The following TYSND1 variants were observed in gnomAD, a reference collection of about 807,000 sequenced individuals.
TYSND1 encodes the protein trypsin like peroxisomal matrix peptidase 1.
A neutral mutation model predicts 37.2 loss-of-function variants in TYSND1; 30 were observed. The ratio of observed to expected loss-of-function variants is 0.81; its 90% CI spans 0.60 to 1.09. TYSND1 has a LOEUF of 1.09. Ranked by LOEUF, TYSND1 falls within the 50% of genes least tolerant of loss-of-function variation. The probability of loss-of-function intolerance (pLI) is 0.00; values close to 1 mark genes in which losing one functional copy is unlikely to be tolerated. For synonymous variants in TYSND1, 364 were observed against 383.8 expected, an observed-to-expected ratio of 0.95 and a Z score of 0.60; for missense variants, 806 against 817.4, an observed-to-expected ratio of 0.99 and a Z score of 0.17.
intron 3 of TYSND1, among the ~76,000 whole-genome samples, chr10:70,141,422 G>A (rs965997571): frequency 4.6e-5 from 7 of 152,030 alleles, no homozygotes; most frequent in African/African-American, 1.2e-4. Flanking sequence ...ACCATGTCTG[G>A]CTCAGGTCAG....
Position 70,145,447 on chromosome 10 carries a change from C to G in TYSND1, c.1140G>C (p.Arg380Ser), listed in dbSNP as rs1355709420. The G allele has an allele frequency of 5.4e-6, 8 of 1,467,962 alleles. No homozygotes were observed. Among genetic ancestry groups the G allele is most frequent in the Non-Finnish European group, 7.2e-6 (8 of 1,111,256 alleles). 90.9% of individuals were successfully genotyped at this position (1,467,962 alleles called of 1,614,324 possible). A position where few individuals can be genotyped will look rare whatever the true frequency, so the allele number is the denominator to read the frequency against. Residue 380 changes from arginine to serine, a missense_variant, in exon 1 of 4, where the codon AGG becomes AGC. By Grantham distance (110) the Arg-to-Ser change is moderately radical. Around this residue, in one of 3 missense-constraint regions of TYSND1, gnomAD observed 708 missense variants for 705.4 expected, o/e 1.00. Coordinates refer to ENST00000287078, the MANE Select transcript of TYSND1 (RefSeq NM_173555.4). ...CRHVSPREAA[R>S]VLVRSTTPKS... ...TGGGGGTGGTGGAGCGCACCAGGAC[C>G]CTGGCTGCTTCCCGAGGGGACACGT... is the stretch of plus-strand genomic sequence containing the variant.
intron 3 of TYSND1, 140 bp downstream of exon 3, chr10:70,142,528 T>C: frequency 1.3e-6 from 1 of 787,320 alleles, no homozygotes; most frequent in South Asian, 1.8e-5. Flanking sequence ...GAGAACAGCC[T>C]GCAAACCTTC....
Position 70,146,159 on chromosome 10 carries a change from A to T in TYSND1, c.428T>A (p.Phe143Tyr). The T allele has an allele frequency of 6.4e-7, 1 of 1,550,572 alleles. No homozygotes were observed. The highest frequency in any genetic ancestry group is 8.7e-7 in the Non-Finnish European group (1 of 1,150,834). Residue 143 changes from phenylalanine (F) to tyrosine (Y), a missense_variant, in exon 1 of 4, where the codon TTC becomes TAC. Physicochemically the swap from Phe to Tyr is conservative, Grantham distance 22 (BLOSUM62 3). Transcript: ENST00000287078. ...ELLLLLSCPA[F>Y]WAHFARLFGD... ...GAAGAGGCGCGCGAAGTGGGCCCAG[A>T]AGGCCGGGCAGCTCAGCAGCAGCAG... is the stretch of plus-strand genomic sequence containing the variant.
intron 1 of TYSND1, chr10:70,144,616 C>CT: frequency 1.0e-6 from 1 of 986,080 alleles, no homozygotes; most frequent in African/African-American, 1.7e-5. Flanking sequence ...ACTACACACT[C>CT]TGCAGGGGTA....
chr10:70,141,293 G>A (rs184254037), intron 3 of TYSND1, among the ~76,000 whole-genome samples: 6 of 143,452 alleles, frequency 4.2e-5, no homozygotes, highest in East Asian at 4.0e-4. Flanking sequence ...GATGGGTCTC[G>A]CTCTGTCACA....
rs1403941312 is a variant in TYSND1 at position 70,146,415 on chromosome 10, G to A, written c.172C>T (p.Arg58Ter). 1.9e-6 allele frequency: 3 copies of A among 1,599,330 alleles called. No homozygotes were observed. Among genetic ancestry groups the A allele is most frequent in the Non-Finnish European group, 2.5e-6 (3 of 1,177,362 alleles). Reference protein sequence around the residue: ...CHGGIFVPFLRAGSEVLTAAG... With the variant: ...CHGGIFVPFL ...GCGGTCAGGACTTCGCTGCCAGCTC[G>A]CAGGAAGGGGACGAAGATGCCCCCG... The change falls in exon 1 of 4, where the codon CGA (arginine) becomes TGA (stop). Residue 58 changes from arginine to a stop codon, truncating the protein, a stop_gained. Transcript: ENST00000287078. LOFTEE classifies it high-confidence loss of function.
In TYSND1 at chr10:70,144,080, C is replaced by T. The variant is rs909883024; in HGVS notation, c.1167-108G>A. 4.2e-6 allele frequency: 6 copies of T among 1,437,616 alleles called. No individual in the cohort carries two copies. In the African/African-American group the frequency reaches 7.1e-5, roughly 17 times the overall value. 89.1% of individuals were successfully genotyped at this position (1,437,616 alleles called of 1,614,324 possible). A position where few individuals can be genotyped will look rare whatever the true frequency, so the allele number is the denominator to read the frequency against. On this transcript the variant is annotated intron_variant, in intron 1 of 3. Transcript: ENST00000287078. ...AAAAGTCAGAAGATCTGGGTATCAG[C>T]CCTGAATCGACCAGCAGGCAACTCT...
At position 70,145,685 on chromosome 10, in the gene TYSND1, G is replaced by C. The variant is rs1839190498; in HGVS notation, c.902C>G (p.Pro301Arg). The change falls in exon 1 of 4, where the codon CCC becomes CGC. Residue 301 changes from proline (P) to arginine (R), a missense_variant. Physicochemically the swap from Pro to Arg is moderately radical, Grantham distance 103. Transcript: ENST00000287078. ...VGFTLLCAAA[P>R]LFRAARDALH... Reference sequence around the variant, plus strand: ...CGCGTCGCGGGCGGCGCGGAAAAGGGGGGCGGCGGCGCAGAGCAGCGTGAA... The same window carrying C: ...CGCGTCGCGGGCGGCGCGGAAAAGGCGGGCGGCGGCGCAGAGCAGCGTGAA... The C allele has an allele frequency of 1.4e-6, 2 of 1,387,614 alleles. No individual in the cohort carries two copies. Among genetic ancestry groups the C allele is most frequent in the Admixed American group, 7.3e-5 (2 of 27,342 alleles). 86.0% of individuals were successfully genotyped at this position (1,387,614 alleles called of 1,614,324 possible). A position where few individuals can be genotyped will look rare whatever the true frequency, so the allele number is the denominator to read the frequency against.
At position 70,139,937 on chromosome 10, in the gene TYSND1, C is replaced by T. The variant is rs200072087; in HGVS notation, c.1688G>A (p.Arg563Gln). 180 of 1,612,898 alleles carry T rather than the reference C, an allele frequency of 1.1e-4. 3 individuals are homozygous for T. The highest frequency in any genetic ancestry group is 2.2e-5 in the East Asian group (1 of 44,862). The change falls in exon 4 of 4, where the codon CGG becomes CAG. Residue 563 changes from arginine (R) to glutamine (Q), a missense_variant. Physicochemically the swap from Arg to Gln is conservative, Grantham distance 43. Around this residue, in one of 3 missense-constraint regions of TYSND1, gnomAD observed 708 missense variants for 705.4 expected, o/e 1.00. Coordinates refer to ENST00000287078, the MANE Select transcript of TYSND1 (RefSeq NM_173555.4). ...RLQRPLAEAP[R>Q]SKL ...GGTAACACAGCCTCAGAGCTTGCTC[C>T]GCGGGGCCTCTGCCAGGGGCCGCTG...
intron 3 of TYSND1, among the ~76,000 whole-genome samples, 185 bp from the exon 4 acceptor site, chr10:70,140,326 C>G (rs147114006): frequency 2.0e-5 from 3 of 152,154 alleles, no homozygotes; most frequent in African/African-American, 7.2e-5. Context: ...CCTGGCTTTA[C>G]GTTTTCTCCT....
rs756108593 is a variant in TYSND1, at chr10:70,145,563, G to A, written c.1024C>T (p.Leu342=). Residue 342 remains leucine, a synonymous_variant, in exon 1 of 4, where the codon CTG becomes TTG. Transcript: ENST00000287078. The part of the protein sequence containing the change: ...WGLPLRDSGP[L]WAAAAVLVEC... ...ACCAACACTGCCGCGGCTGCCCACA[G>A]GGGCCCGGAGTCTCGGAGGGGCAGA... is the stretch of plus-strand genomic sequence containing the variant. 21 of 1,486,898 alleles carry A rather than the reference G, an allele frequency of 1.4e-5. No individual in the cohort carries two copies. Among genetic ancestry groups the A allele is most frequent in the Non-Finnish European group, 1.8e-5 (20 of 1,123,782 alleles). The allele number at this position is 1,486,898 out of a possible 1,614,324, so 92.1% of individuals were successfully genotyped here.
In TYSND1 at chr10:70,146,505, C is replaced by T; in HGVS notation, c.82G>A (p.Glu28Lys). Residue 28 changes from glutamate to lysine, a missense_variant, in exon 1 of 4, where the codon GAG becomes AAG. Physicochemically the swap from Glu to Lys is moderately conservative, Grantham distance 56 (BLOSUM62 1). This residue lies in a region of TYSND1 where 84 missense variants were observed against 79.0 expected (regional missense o/e 1.06). Transcript: ENST00000287078. Reference sequence around the variant, plus strand: ...CCGCTGCAGCTCCACGGGCCCGCCTCGGGCTGTCCGGCCCGGGAGGCGCTC... The same window carrying T: ...CCGCTGCAGCTCCACGGGCCCGCCTTGGGCTGTCCGGCCCGGGAGGCGCTC... ...MVSASRAGQPEAGPWSCSGVI... is the reference protein window; with the variant it reads ...MVSASRAGQPKAGPWSCSGVI... The T allele has an allele frequency of 1.3e-6, 2 of 1,591,660 alleles. No homozygotes were observed. The highest frequency in any genetic ancestry group is 1.7e-6 in the Non-Finnish European group (2 of 1,175,344).
At chr10:70,144,232 G>A (rs1000374411) in intron 1 of TYSND1, 2 of 502,228 alleles carry the variant, frequency 4.0e-6, no homozygotes, top group Non-Finnish European at 3.4e-6. Context: ...CAGGTTTGGT[G>A]TTAGTGTTTT....
At position 70,145,676 on chromosome 10, in the gene TYSND1, C is replaced by T. The variant is rs944332251; in HGVS notation, c.911G>A (p.Arg304His). 2.3e-5 allele frequency: 32 copies of T among 1,386,578 alleles called. No homozygotes were observed. The highest frequency in any genetic ancestry group is 2.5e-4 in the Middle Eastern group (1 of 3,950). 85.9% of individuals were successfully genotyped at this position (1,386,578 alleles called of 1,614,324 possible). A position where few individuals can be genotyped will look rare whatever the true frequency, so the allele number is the denominator to read the frequency against. Residue 304 changes from arginine (R) to histidine (H), a missense_variant, in exon 1 of 4, where the codon CGC becomes CAC. By Grantham distance (29) the Arg-to-His change is conservative (BLOSUM62 0). Coordinates refer to ENST00000287078, the MANE Select transcript of TYSND1 (RefSeq NM_173555.4). ...TLLCAAAPLF[R>H]AARDALHRLP... ...GCGGTGAAGCGCGTCGCGGGCGGCGCGGAAAAGGGGGGCGGCGGCGCAGAG... is the reference window on the plus strand; with the variant it reads ...GCGGTGAAGCGCGTCGCGGGCGGCGTGGAAAAGGGGGGCGGCGGCGCAGAG...
intron 1 of TYSND1, 122 bp downstream of exon 1, chr10:70,145,299 A>C: frequency 2.1e-6 from 2 of 973,776 alleles, no homozygotes; most frequent in Non-Finnish European, 2.7e-6. Flanking sequence ...GTCTCTACCC[A>C]CTACACGCCC....
chr10:70,146,696 G>C lies in TYSND1; in HGVS notation c.-110C>G, dbSNP rs1041144512. 1.5e-5 allele frequency: 17 copies of C among 1,156,642 alleles called. No homozygotes were observed. The highest frequency in any genetic ancestry group is 1.2e-6 in the Non-Finnish European group (1 of 864,798). The allele number at this position is 1,156,642 out of a possible 1,614,324, so 71.6% of individuals were successfully genotyped here. The stretch of plus-strand genomic sequence containing the variant: ...CCTAGCGCCACCCACAGCTGGAAGC[G>C]AGAGGCGCAAGCTCTGACTCACGTC... On this transcript the variant is annotated 5_prime_UTR_variant, in exon 1 of 4. Coordinates refer to ENST00000287078, the MANE Select transcript of TYSND1 (RefSeq NM_173555.4).
chr10:70,142,943 C>T, intron 2 of TYSND1, 90 bp from the exon 3 acceptor site: 1 of 1,411,452 alleles, frequency 7.1e-7, no homozygotes, highest in Admixed American at 2.0e-5. Context: ...CCTCTCCAAA[C>T]ATTCCAAACC....
chr10:70,142,550 C>T, intron 3 of TYSND1, 118 bp downstream of exon 3: 1 of 983,968 alleles, frequency 1.0e-6, no homozygotes, highest in Non-Finnish European at 1.5e-6. Flanking sequence ...CTAGCTCACT[C>T]ATAATGCCCA....
chr10:70,144,043 G>A, intron 1 of TYSND1, 71 bp from the exon 2 acceptor site: 2 of 1,590,892 alleles, frequency 1.3e-6, no homozygotes, highest in Non-Finnish European at 1.7e-6. Context: ...TCAAGGAGCT[G>A]AGAGTGACAG....
Sources: allele counts gnomAD v4.1 joint callset (sites outside exome capture counted in the v4.1 genomes callset), GRCh38; gene constraint gnomAD v4.1.1; regional missense constraint gnomAD v4.1.1; transcripts MANE v1.5; gene names NCBI Gene and HGNC (gene_info 2026-07-23, HGNC 2026-07-21).